Variants in TUBGCP3 observed in about 807,000 individuals in gnomAD.
TUBGCP3 encodes the protein tubulin gamma complex component 3.
Under a neutral mutation model 123.1 loss-of-function variants are expected in TUBGCP3, and 50 were observed. The observed-to-expected ratio is 0.41, with a 90% CI of 0.32 to 0.51. The LOEUF (loss-of-function observed/expected upper bound fraction) is 0.51, where lower values mean the gene tolerates loss of function less well. TUBGCP3 is among the 20% of genes least tolerant of loss of function. TUBGCP3 has a pLI of 0.36. For synonymous variants in TUBGCP3, 405 were observed against 413.9 expected (o/e 0.98, Z 0.26); for missense variants, 882 against 1,127.0 (o/e 0.78, Z 3.11).
intron 11 of TUBGCP3, among the ~76,000 whole-genome samples, chr13:112,540,908 C>G (rs1342622101): frequency 1.3e-5 from 2 of 152,220 alleles, no homozygotes; most frequent in African/African-American, 4.8e-5. Context: ...ACTCAATAGA[C>G]ATGCATTATT....
intron 10 of TUBGCP3, chr13:112,547,069 T>A: frequency 5.3e-6 from 1 of 187,094 alleles, no homozygotes; most frequent in African/African-American, 2.3e-5. Flanking sequence ...AGAAAAAATG[T>A]CAGAAAGCAA....
At chr13:112,496,548 C>A (rs1880539238) in intron 20 of TUBGCP3, among the ~76,000 whole-genome samples, 1 of 152,218 alleles carries the variant, frequency 6.6e-6, no homozygotes, top group African/African-American at 2.4e-5. Context: ...TCTCTTCCTG[C>A]ATCCTTAAGC....
At chr13:112,596,792 G>A in the TUBGCP3 span, among the ~76,000 whole-genome samples, 1 of 152,042 alleles carries the variant, frequency 6.6e-6, no homozygotes, top group Non-Finnish European at 1.5e-5. Context: ...TTTTCTCTTT[G>A]TTGTTCAGAT....
At chr13:112,537,151 AAAAAAAAAAAACCTT>A (rs1878131511) in intron 11 of TUBGCP3, among the ~76,000 whole-genome samples, 2 of 146,258 alleles carry the variant, frequency 1.4e-5, no homozygotes, top group Non-Finnish European at 3.0e-5. Context: ...TTTTTTTTAA[AAAAAAAAAAAACCTT>A]GACTAATTAT....
rs1878885958 is a variant in TUBGCP3 at position 112,545,187 on chromosome 13, C to T, written c.1335+512G>A. 1 of 154,618 alleles carries T rather than the reference C, an allele frequency of 6.5e-6. No homozygotes were observed. Among genetic ancestry groups the T allele is most frequent in the South Asian group, 2.0e-4 (1 of 4,990 alleles). The allele number at this position is 154,618 out of a possible 1,614,324, so 9.6% of individuals were successfully genotyped here. A position where few individuals can be genotyped will look rare whatever the true frequency, so the allele number is the denominator to read the frequency against. On this transcript the variant is annotated intron_variant, in intron 11 of 21. Transcript: ENST00000261965. This position sits in a 1 kb window ranked among gnomAD's most constrained non-coding sequence, Gnocchi z 4.1. ...GACAAAGGTTTTGAGTGTGGTGCCC[C>T]TCACCCTACCTTCCACCAAAAGCCC...
At chr13:112,496,129 C>T (rs1168631340) in intron 20 of TUBGCP3, among the ~76,000 whole-genome samples, 3 of 152,042 alleles carry the variant, frequency 2.0e-5, no homozygotes, top group Non-Finnish European at 2.9e-5. Context: ...TAATTAAGTA[C>T]GATCATGTTA....
At chr13:112,523,219 C>CA (rs1339733107) in intron 13 of TUBGCP3, among the ~76,000 whole-genome samples, 1 of 152,174 alleles carries the variant, frequency 6.6e-6, no homozygotes, top group Non-Finnish European at 1.5e-5. Context: ...ACAATAACCC[C>CA]AGTGGGAGGA....
chr13:112,601,760 A>G, the TUBGCP3 span, among the ~76,000 whole-genome samples: 8 of 152,224 alleles, frequency 5.3e-5, no homozygotes, highest in Admixed American at 2.0e-4. Flanking sequence ...TCTTGCTCTA[A>G]AATATTGATT....
intron 3 of TUBGCP3, among the ~76,000 whole-genome samples, chr13:112,563,461 T>G (rs1205749772): frequency 1.3e-5 from 2 of 152,274 alleles, no homozygotes; most frequent in South Asian, 2.1e-4. Flanking sequence ...CAAGTCAGTT[T>G]TGGGGACGAG....
intron 11 of TUBGCP3, among the ~76,000 whole-genome samples, chr13:112,534,012 A>G (rs1229317514): frequency 6.6e-6 from 1 of 152,000 alleles, no homozygotes; most frequent in Non-Finnish European, 1.5e-5. Context: ...GCACTACTGC[A>G]CAGAGGATTG....
chr13:112,519,947 G>C lies in TUBGCP3; in HGVS notation c.1820C>G (p.Ala607Gly). ...LTGILETAVR[A>G]TNAQFDSPEI... is the part of the protein sequence containing the mutation. ...AGGACTGTCAAACTGTGCGTTGGTG[G>C]CTCTGACAGCGGTTTCTAGAATTCC... The change falls in exon 15 of 22, where the codon GCC (alanine) becomes GGC (glycine). Residue 607 changes from alanine to glycine, a missense_variant. This residue lies in a region of TUBGCP3 where 713 missense variants were observed against 874.0 expected (regional missense o/e 0.82). Coordinates refer to ENST00000261965, the MANE Select transcript of TUBGCP3 (RefSeq NM_006322.6). The surrounding 1 kb of genome is among the most constrained non-coding windows in gnomAD (Gnocchi z 6.2). 6.2e-7 allele frequency: 1 copy of C among 1,614,026 alleles called. No individual in the cohort carries two copies. Among genetic ancestry groups the C allele is most frequent in the Non-Finnish European group, 8.5e-7 (1 of 1,179,872 alleles).
intron 10 of TUBGCP3, 23 bp downstream of exon 10, chr13:112,547,597 C>T (rs749329584): frequency 2.0e-6 from 3 of 1,465,772 alleles, no homozygotes; most frequent in Non-Finnish European, 2.7e-6. Context: ...GAAAGACGTG[C>T]GTGGGAAAGA....
At position 112,504,403 on chromosome 13, in the gene TUBGCP3, G is replaced by A. The variant is rs182267077; in HGVS notation, c.2175+223C>T. Among the ~76,000 whole-genome samples, 134 of 150,706 alleles carry A rather than the reference G, an allele frequency of 8.9e-4. 2 individuals carry two copies. In the East Asian group the frequency reaches 0.019, roughly 22 times the overall value. ...CTCAGGAGTCTGAGGCAGGAGAATCGCTTGAACCCAGGAGGCAGAGGTTGC... is the reference window on the plus strand; with the variant it reads ...CTCAGGAGTCTGAGGCAGGAGAATCACTTGAACCCAGGAGGCAGAGGTTGC... On this transcript the variant is annotated intron_variant, in intron 18 of 21. Transcript: ENST00000261965.
At chr13:112,587,820 C>A in intron 1 of TUBGCP3, 85 bp downstream of exon 1, 3 of 1,257,328 alleles carry the variant, frequency 2.4e-6, no homozygotes, top group Non-Finnish European at 3.2e-6. Flanking sequence ...CTCGTTCCTC[C>A]AGCCCCGGAA....
At chr13:112,590,053 C>T (rs1023025082), upstream of TUBGCP3, among the ~76,000 whole-genome samples, 1 of 151,252 alleles carries the variant, frequency 6.6e-6, no homozygotes, top group African/African-American at 2.4e-5. Context: ...AGTGCAATGG[C>T]GTGAACTCCA....
At chr13:112,535,808 G>A (rs995283847) in intron 11 of TUBGCP3, among the ~76,000 whole-genome samples, 2 of 152,042 alleles carry the variant, frequency 1.3e-5, no homozygotes, top group African/African-American at 2.4e-5. Context: ...CTCACTGCTG[G>A]TGCTTTTGAT....
chr13:112,549,491 AAATT>A (rs199521096), intron 8 of TUBGCP3, among the ~76,000 whole-genome samples: 76 of 151,820 alleles, frequency 5.0e-4, no homozygotes, highest in East Asian at 1.4e-3. Context: ...AATAATAAAA[AAATT>A]AATTAATTAA....
At chr13:112,598,817 G>T in the TUBGCP3 span, among the ~76,000 whole-genome samples, 3 of 151,930 alleles carry the variant, frequency 2.0e-5, no homozygotes, top group Non-Finnish European at 4.4e-5. Flanking sequence ...CGTGGCGCAC[G>T]CCTGTATAGT....
intron 11 of TUBGCP3, among the ~76,000 whole-genome samples, chr13:112,531,516 T>A (rs569253957): frequency 6.6e-6 from 1 of 152,354 alleles, no homozygotes; most frequent in African/African-American, 2.4e-5. Context: ...TTAGATTAAC[T>A]GCATATAAAT....
Sources: allele counts gnomAD v4.1 joint callset (sites outside exome capture counted in the v4.1 genomes callset), GRCh38; gene constraint gnomAD v4.1.1; regional missense constraint gnomAD v4.1.1; non-coding constraint Gnocchi (gnomAD v3.1); transcripts MANE v1.5; gene names NCBI Gene and HGNC (gene_info 2026-07-23, HGNC 2026-07-21).